The following KIRREL3 variants were observed in gnomAD, a reference collection of about 807,000 sequenced individuals.
KIRREL3 encodes kirre like nephrin family adhesion molecule 3, also known as kin of IRRE-like protein 3.
In KIRREL3, 36 loss-of-function variants were observed where a neutral mutation model predicts 89.7. The ratio of observed to expected loss-of-function variants is 0.40; its 90% CI spans 0.31 to 0.53. KIRREL3 has a LOEUF of 0.53. Ranked by LOEUF, KIRREL3 falls within the 20% of genes least tolerant of loss-of-function variation. KIRREL3 has a pLI of 0.49. For missense variants in KIRREL3, 864 were observed against 1,056.6 expected (o/e 0.82, Z 2.53); for synonymous variants, 445 against 441.4 (o/e 1.01, Z -0.10).
At position 126,622,918 on chromosome 11, in the gene KIRREL3, T is replaced by C; in HGVS notation, c.56-60006A>G. On this transcript the variant is annotated intron_variant, in intron 1 of 16. Transcript: ENST00000525144. This position sits in a 1 kb window ranked among gnomAD's most constrained non-coding sequence, Gnocchi z 5.2. Reference sequence around the variant, plus strand: ...AGATACTATCATTAGCTACATTTCATAATGAGGAAATGGAAGTACCTAGAG... The same window carrying C: ...AGATACTATCATTAGCTACATTTCACAATGAGGAAATGGAAGTACCTAGAG... Among the ~76,000 whole-genome samples the C allele has an allele frequency of 6.6e-6, 1 of 152,170 alleles. No individual in the cohort carries two copies. Among genetic ancestry groups the C allele is most frequent in the East Asian group, 1.9e-4 (1 of 5,200 alleles).
rs541454049 is a variant in KIRREL3 at position 126,990,478 on chromosome 11, C to T, written c.55+9977G>A. Among the ~76,000 whole-genome samples, 15 of 152,310 alleles carry T rather than the reference C, an allele frequency of 9.8e-5. No individual in the cohort carries two copies. The highest frequency in any genetic ancestry group is 3.1e-4 in the African/African-American group (13 of 41,572). On this transcript the variant is annotated intron_variant, in intron 1 of 16. Coordinates refer to ENST00000525144, the MANE Select transcript of KIRREL3 (RefSeq NM_032531.4). This position sits in a 1 kb window ranked among gnomAD's most constrained non-coding sequence, Gnocchi z 6.3. ...CTCCCGGCAGCCACTAGGCTTTCCC[C>T]TTCCCCGTCCTAAGGGACCTCCCGG... is the stretch of plus-strand genomic sequence containing the variant.
intron 1 of KIRREL3, among the ~76,000 whole-genome samples, chr11:126,758,684 CT>C (rs1949580675): frequency 6.6e-6 from 1 of 152,222 alleles, no homozygotes; most frequent in Non-Finnish European, 1.5e-5. Context: ...TAAATTATGA[CT>C]GGAGACCTTG....
intron 1 of KIRREL3, among the ~76,000 whole-genome samples, chr11:126,586,658 G>A (rs1232788932): frequency 1.3e-5 from 2 of 152,078 alleles, no homozygotes; most frequent in Non-Finnish European, 2.9e-5. Flanking sequence ...CAGATTCAAT[G>A]TTTACAACGC....
chr11:126,607,958 G>T lies in KIRREL3; in HGVS notation c.56-45046C>A, dbSNP rs1262602643. On this transcript the variant is annotated intron_variant, in intron 1 of 16. Coordinates refer to ENST00000525144, the MANE Select transcript of KIRREL3 (RefSeq NM_032531.4). The surrounding 1 kb of genome is among the most constrained non-coding windows in gnomAD (Gnocchi z 6.6). ...ACTAGGGCAACTGCTCAGCCCCATC[G>T]CAGCAAGGGCCCGAGGAACGAGCAC... Among the ~76,000 whole-genome samples the T allele has an allele frequency of 6.6e-6, 1 of 152,170 alleles. No homozygotes were observed. Among genetic ancestry groups the T allele is most frequent in the Admixed American group, 6.5e-5 (1 of 15,286 alleles).
In KIRREL3 at chr11:126,431,275, T is replaced by A; in HGVS notation, c.1696+144A>T. On this transcript the variant is annotated intron_variant, in intron 14 of 16. Coordinates refer to ENST00000525144, the MANE Select transcript of KIRREL3 (RefSeq NM_032531.4). The surrounding 1 kb of genome is among the most constrained non-coding windows in gnomAD (Gnocchi z 7.1). ...GCCCAGGCTCACATACACCGATGCA[T>A]CAGACCCACTCCCTGCCCCAGGAGC... is the stretch of plus-strand genomic sequence containing the variant. The A allele has an allele frequency of 1.9e-6, 3 of 1,548,456 alleles. No individual in the cohort carries two copies. Among genetic ancestry groups the A allele is most frequent in the Non-Finnish European group, 2.6e-6 (3 of 1,144,792 alleles).
chr11:126,456,978 C>T (rs530125813), intron 6 of KIRREL3, among the ~76,000 whole-genome samples: 1 of 152,292 alleles, frequency 6.6e-6, no homozygotes, highest in South Asian at 2.1e-4. Context: ...GCTTCCCAGG[C>T]CGGGGCTCGC....
At chr11:126,449,785 C>T (rs1955958443) in intron 7 of KIRREL3, among the ~76,000 whole-genome samples, 1 of 152,214 alleles carries the variant, frequency 6.6e-6, no homozygotes, top group African/African-American at 2.4e-5. Flanking sequence ...TCTTGACAAG[C>T]TCTCAGCTCT....
intron 1 of KIRREL3, among the ~76,000 whole-genome samples, chr11:126,938,327 A>T (rs1015080492): frequency 4.6e-5 from 7 of 152,334 alleles, no homozygotes; most frequent in Non-Finnish European, 1.0e-4. Flanking sequence ...AAGTGGTGTC[A>T]AGGCTCTAAT....
In KIRREL3 at chr11:126,471,147, C is replaced by T. The variant is rs1176017113; in HGVS notation, c.591+2162G>A. On this transcript the variant is annotated intron_variant, in intron 5 of 16. Transcript: ENST00000525144. This position sits in a 1 kb window ranked among gnomAD's most constrained non-coding sequence, Gnocchi z 5.4. Reference sequence around the variant, plus strand: ...CTGAGGCAGGTGGATCACCTGAGGTCGGGAGTTTGAGACCAGCCTGACCAA... The same window carrying T: ...CTGAGGCAGGTGGATCACCTGAGGTTGGGAGTTTGAGACCAGCCTGACCAA... Among the ~76,000 whole-genome samples, 2 of 151,980 alleles carry T rather than the reference C, an allele frequency of 1.3e-5. No homozygotes were observed. Among genetic ancestry groups the T allele is most frequent in the Admixed American group, 6.6e-5 (1 of 15,258 alleles).
At chr11:126,586,433 G>A (rs973581596) in intron 1 of KIRREL3, among the ~76,000 whole-genome samples, 2 of 152,012 alleles carry the variant, frequency 1.3e-5, no homozygotes, top group Non-Finnish European at 2.9e-5. Context: ...GAAGGGTCTC[G>A]TGGCCTCTCT....
intron 1 of KIRREL3, among the ~76,000 whole-genome samples, chr11:126,815,620 G>A (rs1231489188): frequency 1.3e-5 from 2 of 152,016 alleles, no homozygotes; most frequent in Non-Finnish European, 1.5e-5. Flanking sequence ...TGCAAGCTCC[G>A]CCTCCCACGT....
rs548201566 is a variant in KIRREL3 at position 126,708,461 on chromosome 11, A to T, written c.56-145549T>A. On this transcript the variant is annotated intron_variant, in intron 1 of 16. Coordinates refer to ENST00000525144, the MANE Select transcript of KIRREL3 (RefSeq NM_032531.4). This position sits in a 1 kb window ranked among gnomAD's most constrained non-coding sequence, Gnocchi z 5.7. Reference sequence around the variant, plus strand: ...TTTTCTTTGCAGGGGAAGACTGGAAATAGAGTCCTTTATCTCAGATATCAA... The same window carrying T: ...TTTTCTTTGCAGGGGAAGACTGGAATTAGAGTCCTTTATCTCAGATATCAA... Among the ~76,000 whole-genome samples the T allele has an allele frequency of 6.6e-6, 1 of 152,332 alleles. No homozygotes were observed. Among genetic ancestry groups the T allele is most frequent in the East Asian group, 1.9e-4 (1 of 5,182 alleles).
intron 1 of KIRREL3, among the ~76,000 whole-genome samples, chr11:126,939,376 G>T (rs1180821275): frequency 6.6e-6 from 1 of 152,114 alleles, no homozygotes; most frequent in East Asian, 1.9e-4. Flanking sequence ...CTTAAACATG[G>T]GGCATCCAGA....
chr11:126,582,134 C>A (rs920479637), intron 1 of KIRREL3, among the ~76,000 whole-genome samples: 5 of 152,176 alleles, frequency 3.3e-5, no homozygotes, highest in African/African-American at 2.4e-5. Flanking sequence ...ATTCCTCTGG[C>A]CTTACTGGGT....
intron 1 of KIRREL3, among the ~76,000 whole-genome samples, chr11:126,730,296 C>G (rs1948563448): frequency 6.6e-6 from 1 of 152,208 alleles, no homozygotes; most frequent in African/African-American, 2.4e-5. Flanking sequence ...TCACCTTCTC[C>G]TCCCTCTTCT....
intron 1 of KIRREL3, among the ~76,000 whole-genome samples, chr11:126,644,109 A>G (rs1008135564): frequency 6.6e-6 from 1 of 152,156 alleles, no homozygotes; most frequent in Non-Finnish European, 1.5e-5. Context: ...AAAGTGTGGG[A>G]AAGGATGTCA....
rs559869665 is a variant in KIRREL3 at position 126,424,373 on chromosome 11, C to T, written c.*207G>A. 29 of 482,582 alleles carry T rather than the reference C, an allele frequency of 6.0e-5. No homozygotes were observed. The highest frequency in any genetic ancestry group is 5.4e-4 in the African/African-American group (27 of 49,890). 29.9% of individuals were successfully genotyped at this position (482,582 alleles called of 1,614,324 possible). A position where few individuals can be genotyped will look rare whatever the true frequency, so the allele number is the denominator to read the frequency against. On this transcript the variant is annotated 3_prime_UTR_variant, in exon 17 of 17. Coordinates refer to ENST00000525144, the MANE Select transcript of KIRREL3 (RefSeq NM_032531.4). ...TCAGCCGCAGCCTCTGTCTGTCTCC[C>T]CACCCGCCCACCTCTGGCACACAGC...
At chr11:126,425,796 G>T in intron 15 of KIRREL3, 72 bp from the exon 16 acceptor site, 2 of 1,235,896 alleles carry the variant, frequency 1.6e-6, no homozygotes, top group African/African-American at 1.5e-5. Context: ...GAAAAGATGA[G>T]ATCAGAAACT....
In KIRREL3 at chr11:126,558,574, A is replaced by T. The variant is rs1376190040; in HGVS notation, c.133+4261T>A. Among the ~76,000 whole-genome samples the T allele has an allele frequency of 6.6e-6, 1 of 152,162 alleles. No individual in the cohort carries two copies. Among genetic ancestry groups the T allele is most frequent in the African/African-American group, 2.4e-5 (1 of 41,426 alleles). ...GCAAGTTGCTGCATGCTCTTGGGCC[A>T]TGCTGTGTTATTGGGTTGCACTGTA... is the stretch of plus-strand genomic sequence containing the variant. On this transcript the variant is annotated intron_variant, in intron 2 of 16. Coordinates refer to ENST00000525144, the MANE Select transcript of KIRREL3 (RefSeq NM_032531.4). This position sits in a 1 kb window ranked among gnomAD's most constrained non-coding sequence, Gnocchi z 4.0.
Sources: allele counts gnomAD v4.1 joint callset (sites outside exome capture counted in the v4.1 genomes callset), GRCh38; gene constraint gnomAD v4.1.1; non-coding constraint Gnocchi (gnomAD v3.1); transcripts MANE v1.5; gene names NCBI Gene and HGNC (gene_info 2026-07-23, HGNC 2026-07-21).